Variants in TBC1D14 observed in about 807,000 individuals in gnomAD.
The protein encoded by TBC1D14 is TBC1 domain family, member 14.
Under a neutral mutation model 79.0 loss-of-function variants are expected in TBC1D14, and 26 were observed. That is an observed-to-expected ratio of 0.33 (90% CI 0.24 to 0.46). The LOEUF (loss-of-function observed/expected upper bound fraction) is 0.46. Among genes scored for constraint, TBC1D14 ranks in the 20% least tolerant of loss-of-function variants. TBC1D14 has a pLI of 1.00. For missense variants in TBC1D14, 769 were observed against 887.6 expected, an observed-to-expected ratio of 0.87 and a Z score of 1.70; for synonymous variants, 394 against 349.9, an observed-to-expected ratio of 1.13 and a Z score of -1.40.
intron 2 of TBC1D14, among the ~76,000 whole-genome samples, chr4:6,964,293 C>G (rs2109040447): frequency 6.6e-6 from 1 of 152,288 alleles, no homozygotes; most frequent in Non-Finnish European, 1.5e-5. Context: ...CAGACTTCTC[C>G]TTTCTGCACA....
In TBC1D14 at chr4:6,918,339, T is replaced by G. The variant is rs181158174; in HGVS notation, c.-17-5034T>G. Among the ~76,000 whole-genome samples, 8 of 152,168 alleles carry G rather than the reference T, an allele frequency of 5.3e-5. No homozygotes were observed. The East Asian group carries it at 1.4e-3, about 26-fold the overall frequency. On this transcript the variant is annotated intron_variant, in intron 1 of 13. Coordinates refer to ENST00000409757, the MANE Select transcript of TBC1D14 (RefSeq NM_020773.3). ...ACTGATTTTCCTAGGAAGGATAGAG[T>G]TTTTTGTGTTCCTGTTTACTCTGTC...
At chr4:6,922,250 C>T (rs1004250433) in intron 1 of TBC1D14, among the ~76,000 whole-genome samples, 2 of 152,098 alleles carry the variant, frequency 1.3e-5, no homozygotes, top group Non-Finnish European at 2.9e-5. Context: ...GAGACAGGGT[C>T]TTGTTACGTT....
chr4:7,002,804 A>G lies in TBC1D14; in HGVS notation c.1270+1553A>G, dbSNP rs1719805829. ...GTTTCCAAGCCAGTGTAAGAACACA[A>G]ACAAACTTGGTTGCTGAGTACCAAG... On this transcript the variant is annotated intron_variant, in intron 7 of 13. Transcript: ENST00000409757. Among the ~76,000 whole-genome samples the G allele has an allele frequency of 2.0e-5, 3 of 152,222 alleles. No homozygotes were observed. In the South Asian group the frequency reaches 6.2e-4, roughly 31 times the overall value.
At chr4:6,923,217 C>T (rs1480769782) in intron 1 of TBC1D14, among the ~76,000 whole-genome samples, 156 bp from the exon 2 acceptor site, 1 of 152,150 alleles carries the variant, frequency 6.6e-6, no homozygotes, top group Non-Finnish European at 1.5e-5. Flanking sequence ...ACAAAAACCA[C>T]TTCTAGCTTC....
chr4:6,932,823 T>C (rs1711891478), intron 2 of TBC1D14, among the ~76,000 whole-genome samples: 1 of 152,146 alleles, frequency 6.6e-6, no homozygotes, highest in Non-Finnish European at 1.5e-5. Flanking sequence ...CGTGGTGTTT[T>C]GCTGCTGCAT....
At chr4:7,004,977 T>A in intron 8 of TBC1D14, 53 bp downstream of exon 8, 1 of 1,511,112 alleles carries the variant, frequency 6.6e-7, no homozygotes, top group South Asian at 1.1e-5. Context: ...TGTTTGTCAT[T>A]CTTTATTACA....
intron 9 of TBC1D14, among the ~76,000 whole-genome samples, 185 bp downstream of exon 9, chr4:7,006,911 A>G (rs1720253658): frequency 6.6e-6 from 1 of 152,212 alleles, no homozygotes; most frequent in Non-Finnish European, 1.5e-5. Context: ...CATTTCCAAC[A>G]AATATTTACT....
At chr4:6,947,257 G>A (rs1713565277) in intron 2 of TBC1D14, among the ~76,000 whole-genome samples, 3 of 152,110 alleles carry the variant, frequency 2.0e-5, no homozygotes, top group African/African-American at 7.2e-5. Context: ...CAGCACTTTG[G>A]GAGGCCGAGG....
At chr4:7,003,215 A>G (rs574266554) in intron 7 of TBC1D14, among the ~76,000 whole-genome samples, 2 of 152,346 alleles carry the variant, frequency 1.3e-5, no homozygotes, top group East Asian at 3.9e-4. Flanking sequence ...AAAGAAAGCC[A>G]TGGGGGAGAC....
intron 12 of TBC1D14, among the ~76,000 whole-genome samples, chr4:7,018,315 G>C (rs949446750): frequency 1.3e-5 from 2 of 152,292 alleles, no homozygotes; most frequent in South Asian, 2.1e-4. Context: ...GGGCCTGTGG[G>C]TGTGGCCAGC....
At chr4:6,960,081 C>CTTTTT (rs10623660) in intron 2 of TBC1D14, among the ~76,000 whole-genome samples, 5 of 131,310 alleles carry the variant, frequency 3.8e-5, no homozygotes, top group Admixed American at 8.0e-5. Flanking sequence ...CCCTGTGCCC[C>CTTTTT]TTTTTTTTTT....
At chr4:6,937,600 C>T (rs1426098784) in intron 2 of TBC1D14, among the ~76,000 whole-genome samples, 1 of 152,184 alleles carries the variant, frequency 6.6e-6, no homozygotes, top group Non-Finnish European at 1.5e-5. Flanking sequence ...TGGGGGGCAG[C>T]AAGGGCCCTG....
intron 2 of TBC1D14, among the ~76,000 whole-genome samples, chr4:6,938,024 A>G (rs1229005350): frequency 1.3e-5 from 2 of 152,130 alleles, no homozygotes; most frequent in Admixed American, 1.3e-4. Context: ...GGAGGTCTTC[A>G]TTCCACTCCT....
chr4:6,999,208 A>T lies in TBC1D14; in HGVS notation c.1163+6A>T. On this transcript the variant is annotated splice_donor_region_variant and intron_variant, in intron 6 of 13. Transcript: ENST00000409757. ...TTACCTAACTGGGAAACAATGTAAG[A>T]TGTGGCTCTGGGTGTGGCTGAACTG... 4 of 1,611,502 alleles carry T rather than the reference A, an allele frequency of 2.5e-6. No individual in the cohort carries two copies. The South Asian group carries it at 3.3e-5, about 13-fold the overall frequency.
At chr4:6,979,125 CATAAT>C (rs1488797062) in intron 3 of TBC1D14, among the ~76,000 whole-genome samples, 1 of 151,580 alleles carries the variant, frequency 6.6e-6, no homozygotes, top group Non-Finnish European at 1.5e-5. Context: ...TGGCAAAAAA[CATAAT>C]AGAGAAATCA....
Position 7,032,493 on chromosome 4 carries a change from A to G in TBC1D14, c.*2101A>G, listed in dbSNP as rs1400518211. On this transcript the variant is annotated 3_prime_UTR_variant, in exon 14 of 14. Coordinates refer to ENST00000409757, the MANE Select transcript of TBC1D14 (RefSeq NM_020773.3). Reference sequence around the variant, plus strand: ...AGCAGTTTCACATCAGTCTCTCCAGATAGCACTACGATGTATTCCGCTTCT... The same window carrying G: ...AGCAGTTTCACATCAGTCTCTCCAGGTAGCACTACGATGTATTCCGCTTCT... 1.3e-5 allele frequency: 2 copies of G among 152,540 alleles called. No individual in the cohort carries two copies. The highest frequency in any genetic ancestry group is 2.9e-5 in the Non-Finnish European group (2 of 68,050). The allele number at this position is 152,540 out of a possible 1,614,324, so 9.4% of individuals were successfully genotyped here.
upstream of TBC1D14, chr4:6,909,481 G>A (rs1469965619): frequency 6.6e-6 from 1 of 152,322 alleles, no homozygotes; most frequent in African/African-American, 2.4e-5. Flanking sequence ...CCACTTCCAA[G>A]ATGGCTGCGG....
At chr4:7,000,054 G>A (rs148284570) in intron 6 of TBC1D14, among the ~76,000 whole-genome samples, 1,845 of 152,236 alleles carry the variant, frequency 0.012, 17 homozygotes, top group Middle Eastern at 0.037. Flanking sequence ...GGGGTCACGC[G>A]GCCCTGCTCA....
chr4:6,912,415 A>T (rs1723077125), intron 1 of TBC1D14, among the ~76,000 whole-genome samples: 1 of 152,092 alleles, frequency 6.6e-6, no homozygotes, highest in African/African-American at 2.4e-5. Context: ...TAAAAAAATA[A>T]AAAATAAATT....
Sources: allele counts gnomAD v4.1 joint callset (sites outside exome capture counted in the v4.1 genomes callset), GRCh38; gene constraint gnomAD v4.1.1; transcripts MANE v1.5; gene names NCBI Gene and HGNC (gene_info 2026-07-23, HGNC 2026-07-21).